Variants in CAST observed in about 807,000 individuals in gnomAD.
CAST encodes calpastatin.
CAST carries 76 observed loss-of-function variants against 119.6 expected under a neutral mutation model. The observed-to-expected ratio is 0.64, with a 90% CI of 0.53 to 0.77. CAST has a LOEUF of 0.77. Ranked by LOEUF, CAST falls within the 30% of genes least tolerant of loss-of-function variation. CAST has a pLI of 0.00. For missense variants in CAST, 953 were observed against 946.5 expected (o/e 1.01, Z -0.09); for synonymous variants, 319 against 331.6 (o/e 0.96, Z 0.41).
the CAST span, among the ~76,000 whole-genome samples, chr5:96,110,508 A>T: frequency 6.6e-6 from 1 of 152,210 alleles, no homozygotes; most frequent in African/African-American, 2.4e-5. Flanking sequence ...GTCAAGGGTC[A>T]TAGTTTTTAC....
the CAST span, among the ~76,000 whole-genome samples, chr5:96,441,774 CT>C: frequency 6.6e-6 from 1 of 152,082 alleles, no homozygotes; most frequent in East Asian, 1.9e-4. Context: ...AAAAGGGGCA[CT>C]TTTTTATAAT....
At chr5:95,989,296 T>C in the CAST span, among the ~76,000 whole-genome samples, 1 of 152,310 alleles carries the variant, frequency 6.6e-6, no homozygotes, top group African/African-American at 2.4e-5. Context: ...TTTTTTTAAA[T>C]CTGAGAGCAT....
chr5:96,185,742 G>T, the CAST span, among the ~76,000 whole-genome samples: 2 of 152,070 alleles, frequency 1.3e-5, no homozygotes, highest in African/African-American at 4.8e-5. Context: ...TGCTGTTTTG[G>T]TTACTGCACC....
intron 1 of CAST, among the ~76,000 whole-genome samples, chr5:96,621,373 A>G (rs932167289): frequency 1.3e-5 from 2 of 152,214 alleles, no homozygotes; most frequent in Non-Finnish European, 2.9e-5. Context: ...GTGCATTCTC[A>G]TGCTACTATA....
intron 1 of CAST, among the ~76,000 whole-genome samples, chr5:96,558,812 AT>A (rs1170620379): frequency 6.6e-6 from 1 of 152,216 alleles, no homozygotes; most frequent in African/African-American, 2.4e-5. Context: ...TTCTGAAACT[AT>A]TCCAATCAAT....
intron 4 of CAST, among the ~76,000 whole-genome samples, chr5:96,723,624 C>T (rs982190068): frequency 2.0e-5 from 3 of 152,086 alleles, no homozygotes; most frequent in South Asian, 2.1e-4. Context: ...GTATTGTCCA[C>T]TTTGTTCTGA....
the CAST span, among the ~76,000 whole-genome samples, chr5:95,962,367 G>A: frequency 1.6e-4 from 24 of 152,238 alleles, no homozygotes; most frequent in Non-Finnish European, 2.9e-4. Context: ...GCGTGCGTGT[G>A]GGGGAGGACG....
the CAST span, among the ~76,000 whole-genome samples, chr5:96,384,934 G>A: frequency 3.9e-5 from 6 of 152,264 alleles, no homozygotes; most frequent in East Asian, 1.2e-3. Context: ...CAAGACTTGG[G>A]CATCCTTTTT....
At chr5:96,396,561 CAAA>C in the CAST span, among the ~76,000 whole-genome samples, 1 of 122,418 alleles carries the variant, frequency 8.2e-6, no homozygotes, top group Non-Finnish European at 1.8e-5. Context: ...GACTCCGTCT[CAAA>C]AAAAAAAAAA....
chr5:96,101,740 A>C, the CAST span, among the ~76,000 whole-genome samples: 2 of 152,206 alleles, frequency 1.3e-5, no homozygotes, highest in African/African-American at 4.8e-5. Flanking sequence ...TGAGGCCAGG[A>C]GTTCAAGACC....
At chr5:96,657,890 A>C (rs1748185840), upstream of CAST, among the ~76,000 whole-genome samples, 1 of 152,172 alleles carries the variant, frequency 6.6e-6, no homozygotes, top group South Asian at 2.1e-4. Context: ...TGAGGTCAGG[A>C]GTTCGAGACC....
At chr5:96,370,531 C>T in the CAST span, among the ~76,000 whole-genome samples, 3 of 152,106 alleles carry the variant, frequency 2.0e-5, 1 homozygote, top group South Asian at 4.2e-4. Flanking sequence ...TAATTTTCAC[C>T]CCCCACAACT....
chr5:96,112,508 A>G, the CAST span, among the ~76,000 whole-genome samples: 3 of 152,252 alleles, frequency 2.0e-5, no homozygotes, highest in African/African-American at 7.2e-5. Flanking sequence ...AGTTACATAT[A>G]TATATCCTAA....
rs1773120682 is a variant in CAST at position 96,773,296 on chromosome 5, G to A, written c.*680G>A. 6.5e-6 allele frequency: 1 copy of A among 153,370 alleles called. No individual in the cohort carries two copies. The highest frequency in any genetic ancestry group is 6.5e-5 in the Admixed American group (1 of 15,270). The allele number at this position is 153,370 out of a possible 1,614,324, so 9.5% of individuals were successfully genotyped here. A position where few individuals can be genotyped will look rare whatever the true frequency, so the allele number is the denominator to read the frequency against. ...TGAGGACTTCTGCATCTTACAGTCA[G>A]CACAGAACACACTGAGACTTGAATC... On this transcript the variant is annotated 3_prime_UTR_variant, in exon 32 of 32. Transcript: ENST00000675179.
At chr5:96,346,343 T>G in the CAST span, among the ~76,000 whole-genome samples, 3 of 152,186 alleles carry the variant, frequency 2.0e-5, no homozygotes, top group Non-Finnish European at 2.9e-5. Flanking sequence ...GGCATCTAAT[T>G]TGAATATCAG....
chr5:96,100,689 A>G, the CAST span, among the ~76,000 whole-genome samples: 4 of 152,288 alleles, frequency 2.6e-5, no homozygotes, highest in Admixed American at 1.3e-4. Context: ...TCTGTAAGGC[A>G]AAGAAGTATA....
At chr5:96,282,840 A>C in the CAST span, among the ~76,000 whole-genome samples, 1 of 152,092 alleles carries the variant, frequency 6.6e-6, no homozygotes, top group Non-Finnish European at 1.5e-5. Context: ...ATAGAAAAAA[A>C]ATTTGTTGGC....
the CAST span, among the ~76,000 whole-genome samples, chr5:96,375,910 TATAA>T: frequency 6.8e-6 from 1 of 147,298 alleles, no homozygotes; most frequent in African/African-American, 2.5e-5. Flanking sequence ...TATATATATA[TATAA>T]ATATATAAAT....
At chr5:96,389,937 G>GA in the CAST span, among the ~76,000 whole-genome samples, 1,144 of 145,044 alleles carry the variant, frequency 7.9e-3, 9 homozygotes, top group African/African-American at 0.027. Flanking sequence ...TCTAGCAAAA[G>GA]AAAAAAAAAA....
Sources: allele counts gnomAD v4.1 joint callset (sites outside exome capture counted in the v4.1 genomes callset), GRCh38; gene constraint gnomAD v4.1.1; transcripts MANE v1.5; gene names NCBI Gene and HGNC (gene_info 2026-07-23, HGNC 2026-07-21).